IMMT: variants seen among roughly 807,000 people sequenced by gnomAD.
The protein encoded by IMMT is inner membrane mitochondrial protein.
In IMMT, 40 loss-of-function variants were observed where a neutral mutation model predicts 92.7. That is an observed-to-expected ratio of 0.43 (90% CI 0.34 to 0.56). IMMT has a LOEUF of 0.56. Among genes scored for constraint, IMMT ranks in the 20% least tolerant of loss-of-function variants. The pLI is 0.03. For synonymous variants in IMMT, 322 were observed against 336.1 expected (o/e 0.96, Z 0.46); for missense variants, 831 against 912.1 (o/e 0.91, Z 1.14).
chr2:86,181,390 A>G lies in IMMT; in HGVS notation c.46-18T>C, dbSNP rs745704679. On this transcript the variant is annotated intron_variant, in intron 1 of 14. Coordinates refer to ENST00000410111, the MANE Select transcript of IMMT (RefSeq NM_006839.3). Reference sequence around the variant, plus strand: ...AGACAACTCTAAAGAAGGAAAACACATCACAACCAATACAGTTAAAGGAAA... The same window carrying G: ...AGACAACTCTAAAGAAGGAAAACACGTCACAACCAATACAGTTAAAGGAAA... 4 of 1,574,114 alleles carry G rather than the reference A, an allele frequency of 2.5e-6. No individual in the cohort carries two copies. The Admixed American group carries it at 6.7e-5, about 26-fold the overall frequency.
intron 1 of IMMT, among the ~76,000 whole-genome samples, chr2:86,191,680 G>A (rs2105709502): frequency 6.9e-6 from 1 of 143,982 alleles, no homozygotes; most frequent in South Asian, 2.2e-4. Flanking sequence ...AAGGTGGGGG[G>A]ATCACAAGGT....
chr2:86,179,358 G>C, intron 3 of IMMT, 75 bp downstream of exon 3: 1 of 1,238,624 alleles, frequency 8.1e-7, no homozygotes, highest in Non-Finnish European at 1.1e-6. Context: ...AAAGACAACT[G>C]TATTTTCAAC....
intron 11 of IMMT, among the ~76,000 whole-genome samples, chr2:86,152,390 G>A (rs1036016766): frequency 2.2e-5 from 3 of 138,784 alleles, no homozygotes; most frequent in Non-Finnish European, 3.0e-5. Flanking sequence ...GCAGTGAGCC[G>A]AAATTGCGCC....
At position 86,161,990 on chromosome 2, in the gene IMMT, G is replaced by A. The variant is rs749594815; in HGVS notation, c.882C>T (p.Ala294=). The change falls in exon 8 of 15, where the codon GCC becomes GCT. Residue 294 remains alanine, a synonymous_variant. Coordinates refer to ENST00000410111, the MANE Select transcript of IMMT (RefSeq NM_006839.3). Reference sequence around the variant, plus strand: ...TGAGTAATTACTTGGCTTTGAGAAGGGCATCGGCAGCTTCATCTACTGCCT... The same window carrying A: ...TGAGTAATTACTTGGCTTTGAGAAGAGCATCGGCAGCTTCATCTACTGCCT... The part of the protein sequence containing the change: ...RRKAVDEAAD[A]LLKAKEELEK... The A allele has an allele frequency of 1.3e-6, 2 of 1,594,286 alleles. No homozygotes were observed. The highest frequency in any genetic ancestry group is 1.7e-6 in the Non-Finnish European group (2 of 1,169,924).
In IMMT at chr2:86,179,587, A is replaced by G. The variant is rs1181986840; in HGVS notation, c.155T>C (p.Leu52Ser). The change falls in exon 3 of 15, where the codon TTG (leucine) becomes TCG (serine). Residue 52 changes from leucine to serine, a missense_variant. Physicochemically the swap from Leu to Ser is moderately radical, Grantham distance 145. Transcript: ENST00000410111. ...GCCACCAATACCTCCACCAACAAACAAAAGGCCAGCTCCAGCAATTTTGCC... is the reference window on the plus strand; with the variant it reads ...GCCACCAATACCTCCACCAACAAACGAAAGGCCAGCTCCAGCAATTTTGCC... Reference protein sequence around the residue: ...TTGKIAGAGLLFVGGGIGGTI... With the variant: ...TTGKIAGAGLSFVGGGIGGTI... 1 of 1,600,426 alleles carries G rather than the reference A, an allele frequency of 6.2e-7. No homozygotes were observed. The highest frequency in any genetic ancestry group is 2.2e-5 in the East Asian group (1 of 44,788).
intron 1 of IMMT, among the ~76,000 whole-genome samples, chr2:86,193,420 A>AAC (rs1673303112): frequency 6.6e-6 from 1 of 150,518 alleles, no homozygotes; most frequent in Non-Finnish European, 1.5e-5. Flanking sequence ...AAAAAAAAAA[A>AAC]GAAAGATGGG....
At position 86,159,580 on chromosome 2, in the gene IMMT, T is replaced by C. The variant is rs950711552; in HGVS notation, c.988A>G (p.Lys330Glu). ...AGATCAACTATCATGTTGTGAAGTT[T>C]ACCCTCTGCAGCAGTTATATGAGGC... ...AKPHITAAEG[K>E]LHNMIVDLDN... Residue 330 changes from lysine (K) to glutamate (E), a missense_variant, in exon 9 of 15, where the codon AAA (lysine) becomes GAA (glutamate). Lys to Glu is a moderately conservative substitution (Grantham distance 56). Transcript: ENST00000410111. 1 of 1,609,624 alleles carries C rather than the reference T, an allele frequency of 6.2e-7. No individual in the cohort carries two copies. Among genetic ancestry groups the C allele is most frequent in the Non-Finnish European group, 8.5e-7 (1 of 1,177,694 alleles).
intron 10 of IMMT, among the ~76,000 whole-genome samples, chr2:86,154,767 G>A (rs550071549): frequency 6.6e-6 from 1 of 152,294 alleles, no homozygotes; most frequent in East Asian, 1.9e-4. Flanking sequence ...ACAATCACAA[G>A]TATCACAAGT....
chr2:86,162,103 TAATA>T lies in IMMT; in HGVS notation c.793-28_793-25del, dbSNP rs553952671. 2.7e-4 allele frequency: 386 copies of T among 1,420,296 alleles called. 2 individuals are homozygous for T. The African/African-American group carries it at 4.7e-3, about 17-fold the overall frequency. The allele number at this position is 1,420,296 out of a possible 1,614,324, so 88.0% of individuals were successfully genotyped here. A position where few individuals can be genotyped will look rare whatever the true frequency, so the allele number is the denominator to read the frequency against. ...ATCTAAACAAAAAATTTTAATTATATAATAAATAACTGCTATTATTGTCATATGA... is the reference window on the plus strand; with the variant it reads ...ATCTAAACAAAAAATTTTAATTATATAATAACTGCTATTATTGTCATATGA... On this transcript the variant is annotated intron_variant, in intron 7 of 14. Coordinates refer to ENST00000410111, the MANE Select transcript of IMMT (RefSeq NM_006839.3).
chr2:86,172,403 G>T (rs1029458881), intron 4 of IMMT, among the ~76,000 whole-genome samples: 2 of 152,076 alleles, frequency 1.3e-5, no homozygotes, highest in Non-Finnish European at 2.9e-5. Context: ...GAGTGTAGGG[G>T]TGCAATCATA....
chr2:86,171,123 C>A, intron 5 of IMMT, 85 bp downstream of exon 5: 1 of 1,189,766 alleles, frequency 8.4e-7, no homozygotes, highest in Admixed American at 2.5e-5. Context: ...TAAATGTATA[C>A]TTAGTGTCTA....
chr2:86,172,274 T>C (rs550750775), intron 4 of IMMT, among the ~76,000 whole-genome samples: 1 of 151,770 alleles, frequency 6.6e-6, no homozygotes, highest in South Asian at 2.1e-4. Context: ...CCGGCCTTGG[T>C]TTTAAAGTAA....
chr2:86,175,725 TA>T (rs10683026), intron 3 of IMMT, among the ~76,000 whole-genome samples: 12 of 145,812 alleles, frequency 8.2e-5, no homozygotes, highest in Admixed American at 6.8e-5. Flanking sequence ...GAGTAAATGG[TA>T]AAAAAAAAAA....
chr2:86,173,497 T>G, intron 4 of IMMT, 153 bp downstream of exon 4: 1 of 570,536 alleles, frequency 1.8e-6, no homozygotes, highest in Non-Finnish European at 3.1e-6. Flanking sequence ...GGAGAATCGC[T>G]TGAACCTGGG....
chr2:86,156,119 T>C (rs987349389), intron 10 of IMMT, among the ~76,000 whole-genome samples: 2 of 152,134 alleles, frequency 1.3e-5, no homozygotes, highest in East Asian at 3.9e-4. Flanking sequence ...GACAGTTCTC[T>C]GCTGTAAGGG....
intron 12 of IMMT, 135 bp downstream of exon 12, chr2:86,151,162 C>G: frequency 1.4e-6 from 1 of 717,056 alleles, no homozygotes; most frequent in South Asian, 1.7e-5. Context: ...AAGGGATCCA[C>G]CCACCTTGGC....
Position 86,172,642 on chromosome 2 carries a change from T to C in IMMT, c.421+1008A>G, listed in dbSNP as rs577374027. 1.2e-4 allele frequency among the ~76,000 whole-genome samples: 18 copies of C among 152,314 alleles called. No individual in the cohort carries two copies. In the East Asian group the frequency reaches 2.9e-3, roughly 24 times the overall value. On this transcript the variant is annotated intron_variant, in intron 4 of 14. Transcript: ENST00000410111. ...CCCATGCACCTGGCCTAAAATAAAA[T>C]TCTTACAATGGCTTCCAAGGACTGC...
rs1220160405 is a variant in IMMT, at chr2:86,179,458, T to C, written c.284A>G (p.Tyr95Cys). 1.2e-6 allele frequency: 2 copies of C among 1,603,452 alleles called. No homozygotes were observed. The highest frequency in any genetic ancestry group is 1.7e-6 in the Non-Finnish European group (2 of 1,177,080). The change falls in exon 3 of 15, where the codon TAT becomes TGT. Residue 95 changes from tyrosine (Y) to cysteine (C), a missense_variant. Tyr to Cys is a radical substitution (Grantham distance 194, BLOSUM62 -2). Transcript: ENST00000410111. ...LFEMVLGPAA[Y>C]NVPLPKKSIQ... ...CGATTTCTTTGGCAATGGAACATTA[T>C]AAGCTGCAGGACCAAGAACCATCTC...
At chr2:86,168,876 G>A (rs533383306) in intron 6 of IMMT, among the ~76,000 whole-genome samples, 2 of 152,310 alleles carry the variant, frequency 1.3e-5, no homozygotes, top group East Asian at 3.9e-4. Flanking sequence ...GGGCAAGGGA[G>A]AGAAACCGTG....
Sources: allele counts gnomAD v4.1 joint callset (sites outside exome capture counted in the v4.1 genomes callset), GRCh38; gene constraint gnomAD v4.1.1; transcripts MANE v1.5; gene names NCBI Gene and HGNC (gene_info 2026-07-23, HGNC 2026-07-21).